VAV2: variants seen among roughly 807,000 people sequenced by gnomAD.
VAV2 encodes the protein guanine nucleotide exchange factor VAV2.
A neutral mutation model predicts 132.5 loss-of-function variants in VAV2; 67 were observed. The ratio of observed to expected loss-of-function variants is 0.51; its 90% CI spans 0.42 to 0.62. VAV2 has a LOEUF of 0.62. Ranked by LOEUF, VAV2 falls within the 20% of genes least tolerant of loss-of-function variation. VAV2 has a pLI of 0.00. For synonymous variants in VAV2, 492 were observed against 443.5 expected (o/e 1.11, Z -1.37); for missense variants, 938 against 1,153.6 (o/e 0.81, Z 2.71).
chr9:133,848,967 T>G (rs1220140458), intron 3 of VAV2, among the ~76,000 whole-genome samples: 2 of 152,252 alleles, frequency 1.3e-5, no homozygotes. Flanking sequence ...TGCTTATGTA[T>G]AAATCCCACC....
intron 1 of VAV2, among the ~76,000 whole-genome samples, chr9:133,950,312 G>C (rs1252894708): frequency 1.3e-5 from 2 of 152,116 alleles, no homozygotes; most frequent in Non-Finnish European, 2.9e-5. Flanking sequence ...GGGCAGCTGG[G>C]AGGCTCCTAT....
chr9:133,770,433 C>T lies in VAV2; in HGVS notation c.2292G>A (p.Lys764=). 2 of 1,614,176 alleles carry T rather than the reference C, an allele frequency of 1.2e-6. No individual in the cohort carries two copies. The highest frequency in any genetic ancestry group is 1.1e-5 in the South Asian group (1 of 91,086). The change falls in exon 27 of 30, where the codon AAG becomes AAA. Residue 764 remains lysine (K), a synonymous_variant. Transcript: ENST00000371850. The part of the protein sequence containing the change: ...ESFKQLDTTL[K]YPYKSRERSA... The stretch of plus-strand genomic sequence containing the variant: ...AACGTTCCCGGGACTTGTAGGGGTA[C>T]TTGAGTGTGGTGTCCAGCTGCTTGA...
rs538619119 is a variant in VAV2 at position 133,911,017 on chromosome 9, G to A, written c.321+28086C>T. 7.9e-5 allele frequency among the ~76,000 whole-genome samples: 12 copies of A among 152,174 alleles called. No individual in the cohort carries two copies. In the East Asian group the frequency reaches 9.7e-4, roughly 12 times the overall value. On this transcript the variant is annotated intron_variant, in intron 2 of 29. Transcript: ENST00000371850. ...CAGAGATGAAGCTACAGCTGGGAGC[G>A]CCGTGGCCTCCTGAGCACCCCAGCT...
chr9:133,933,024 G>A (rs535094402), intron 2 of VAV2, among the ~76,000 whole-genome samples: 2 of 8,362 alleles, frequency 2.4e-4, no homozygotes, highest in African/African-American at 3.1e-4. Flanking sequence ...GGCGGAGACC[G>A]CCCTTAAGCA....
chr9:133,875,567 C>G (rs560536728), intron 2 of VAV2, among the ~76,000 whole-genome samples: 2 of 152,312 alleles, frequency 1.3e-5, no homozygotes, highest in Non-Finnish European at 1.5e-5. Context: ...AACAGGCGAT[C>G]CCCTTGGAGG....
In VAV2 at chr9:133,832,751, G is replaced by A. The variant is rs1386211201; in HGVS notation, c.449+1521C>T. Among the ~76,000 whole-genome samples, 5 of 152,130 alleles carry A rather than the reference G, an allele frequency of 3.3e-5. No individual in the cohort carries two copies. The East Asian group carries it at 9.7e-4, about 29-fold the overall frequency. ...TTTTTGTATTTTTAGTAGAGACAGG[G>A]TTTCACCATGTTGGCCAGACTGGTC... is the stretch of plus-strand genomic sequence containing the variant. On this transcript the variant is annotated intron_variant, in intron 4 of 29. Coordinates refer to ENST00000371850, the MANE Select transcript of VAV2 (RefSeq NM_001134398.2).
intron 1 of VAV2, among the ~76,000 whole-genome samples, chr9:133,973,018 C>T (rs1025730735): frequency 1.3e-5 from 2 of 152,132 alleles, no homozygotes; most frequent in African/African-American, 4.8e-5. Context: ...AAGCCGTTGC[C>T]TGGAACACCA....
At chr9:133,960,105 G>T (rs1378826090) in intron 1 of VAV2, among the ~76,000 whole-genome samples, 1 of 152,136 alleles carries the variant, frequency 6.6e-6, no homozygotes, top group Non-Finnish European at 1.5e-5. Flanking sequence ...CCTGCCCCGG[G>T]GCTACCGCTC....
chr9:133,933,727 A>ACGG (rs1840777079), intron 2 of VAV2, among the ~76,000 whole-genome samples: 1 of 54,646 alleles, frequency 1.8e-5, no homozygotes, highest in Non-Finnish European at 5.1e-5. Context: ...GGATGGATGG[A>ACGG]TGGTGGATGA....
At position 133,822,952 on chromosome 9, in the gene VAV2, G is replaced by T. The variant is rs536804849; in HGVS notation, c.450-10736C>A. 7.2e-4 allele frequency among the ~76,000 whole-genome samples: 110 copies of T among 152,318 alleles called. 2 individuals carry two copies. Among genetic ancestry groups the T allele is most frequent in the Non-Finnish European group, 5.6e-4 (38 of 68,026 alleles). ...CTACCCTCTCTGAGCCTTAATTTGT[G>T]CAACTGCAAAATGGGGGCTGGAGCA... On this transcript the variant is annotated intron_variant, in intron 4 of 29. Transcript: ENST00000371850.
intron 2 of VAV2, among the ~76,000 whole-genome samples, chr9:133,889,466 C>T (rs1838845122): frequency 6.6e-6 from 1 of 152,106 alleles, no homozygotes; most frequent in Non-Finnish European, 1.5e-5. Flanking sequence ...CTTCTCTCCC[C>T]AAGGCCACCC....
chr9:133,960,448 T>A (rs900069604), intron 1 of VAV2, among the ~76,000 whole-genome samples: 3 of 152,130 alleles, frequency 2.0e-5, no homozygotes, highest in Non-Finnish European at 4.4e-5. Context: ...TGACCCTGAG[T>A]GCCGGCCACG....
rs1418409591 is a variant in VAV2, at chr9:133,863,317, C to T, written c.322-1885G>A. On this transcript the variant is annotated intron_variant, in intron 2 of 29. Transcript: ENST00000371850. The surrounding 1 kb of genome is among the most constrained non-coding windows in gnomAD (Gnocchi z 5.0). The stretch of plus-strand genomic sequence containing the variant: ...GAGGAGCCGGGCGCAGGCCCAGAGC[C>T]CTCCTCCGTGGAGTCTAAGGAGGCA... Among the ~76,000 whole-genome samples the T allele has an allele frequency of 6.6e-6, 1 of 152,200 alleles. No homozygotes were observed. Among genetic ancestry groups the T allele is most frequent in the Non-Finnish European group, 1.5e-5 (1 of 68,034 alleles).
intron 3 of VAV2, among the ~76,000 whole-genome samples, chr9:133,851,864 G>A (rs775334769): frequency 3.7e-4 from 55 of 150,394 alleles, no homozygotes; most frequent in Non-Finnish European, 5.8e-4. Flanking sequence ...TGGATGGATA[G>A]GTGGGTGAAT....
intron 2 of VAV2, among the ~76,000 whole-genome samples, chr9:133,933,730 G>GATGGA (rs149852975): frequency 7.5e-6 from 1 of 132,582 alleles, no homozygotes; most frequent in Non-Finnish European, 1.6e-5. Context: ...TGGATGGATG[G>GATGGA]TGGATGAATG....
In VAV2 at chr9:133,857,345, C is replaced by G. The variant is rs1837423325; in HGVS notation, c.380+4029G>C. 6.6e-6 allele frequency among the ~76,000 whole-genome samples: 1 copy of G among 152,228 alleles called. No homozygotes were observed. The highest frequency in any genetic ancestry group is 1.5e-5 in the Non-Finnish European group (1 of 68,050). On this transcript the variant is annotated intron_variant, in intron 3 of 29. Coordinates refer to ENST00000371850, the MANE Select transcript of VAV2 (RefSeq NM_001134398.2). The surrounding 1 kb of genome is among the most constrained non-coding windows in gnomAD (Gnocchi z 4.0). The stretch of plus-strand genomic sequence containing the variant: ...CGCTTCCCCAACACGTTTGATCCCC[C>G]AGCCGGCACCAGGGCGGGATTCTTA...
rs377659623 is a variant in VAV2 at position 133,935,371 on chromosome 9, A to C, written c.321+3732T>G. Among the ~76,000 whole-genome samples the C allele has an allele frequency of 1.5e-3, 222 of 152,328 alleles. 2 individuals carry two copies. The highest frequency in any genetic ancestry group is 5.2e-3 in the African/African-American group (216 of 41,578). On this transcript the variant is annotated intron_variant, in intron 2 of 29. Coordinates refer to ENST00000371850, the MANE Select transcript of VAV2 (RefSeq NM_001134398.2). This position sits in a 1 kb window ranked among gnomAD's most constrained non-coding sequence, Gnocchi z 5.2. ...GGCCAAGTAAGGAACCAGGCCTATCAGCCCCGCCCTCCACACCGGCTCCTT... is the reference window on the plus strand; with the variant it reads ...GGCCAAGTAAGGAACCAGGCCTATCCGCCCCGCCCTCCACACCGGCTCCTT...
chr9:133,867,439 G>A (rs1430091272), intron 2 of VAV2, among the ~76,000 whole-genome samples: 5 of 152,188 alleles, frequency 3.3e-5, no homozygotes, highest in African/African-American at 7.2e-5. Flanking sequence ...AGGGTGCCAC[G>A]TGCTCTGAAA....
chr9:133,880,098 C>G (rs191046907), intron 2 of VAV2, among the ~76,000 whole-genome samples: 83 of 152,344 alleles, frequency 5.4e-4, no homozygotes, highest in African/African-American at 1.9e-3. Flanking sequence ...GAAGACAGGC[C>G]AAGGAAGGAC....
Sources: gnomAD v4.1 joint callset for allele counts (sites outside exome capture counted in the v4.1 genomes callset) on GRCh38, gnomAD v4.1.1 for gene constraint, Gnocchi (gnomAD v3.1) non-coding constraint, MANE v1.5 for transcripts, NCBI Gene and HGNC (gene_info 2026-07-23, HGNC 2026-07-21) for gene names.